The following KCNIP4 variants were observed in gnomAD, a reference collection of about 807,000 sequenced individuals.
KCNIP4 encodes the protein Kv channel-interacting protein 4.
In KCNIP4, 12 loss-of-function variants were observed where a neutral mutation model predicts 34.0. The observed-to-expected ratio is 0.35, with a 90% CI of 0.23 to 0.57. KCNIP4 has a LOEUF of 0.57. Among genes scored for constraint, KCNIP4 ranks in the 20% least tolerant of loss-of-function variants. The pLI, the probability that KCNIP4 is intolerant of heterozygous loss-of-function variation, is 0.83. For missense variants in KCNIP4, 238 were observed against 311.7 expected (o/e 0.76, Z 1.78); for synonymous variants, 124 against 102.2 (o/e 1.21, Z -1.29).
chr4:21,033,421 T>G (rs1323665804), intron 1 of KCNIP4, among the ~76,000 whole-genome samples: 2 of 152,226 alleles, frequency 1.3e-5, no homozygotes, highest in African/African-American at 4.8e-5. Context: ...AGGGCTATGT[T>G]TTTTGAGAAC....
chr4:20,984,169 G>A (rs888556688), intron 1 of KCNIP4: 42 of 531,542 alleles, frequency 7.9e-5, no homozygotes, highest in African/African-American at 5.8e-4. Context: ...CTACCACAGC[G>A]CACGGACCTC....
intron 1 of KCNIP4, among the ~76,000 whole-genome samples, chr4:21,742,555 C>T (rs1187522470): frequency 6.6e-6 from 1 of 152,114 alleles, no homozygotes; most frequent in East Asian, 1.9e-4. Context: ...ATTTCAAGTT[C>T]CAATTACTTG....
At chr4:21,869,650 A>AT (rs1015592684) in intron 1 of KCNIP4, among the ~76,000 whole-genome samples, 8 of 135,992 alleles carry the variant, frequency 5.9e-5, no homozygotes, top group East Asian at 2.3e-4. Flanking sequence ...ACTTTTAGGA[A>AT]TTTTTTTTCC....
chr4:21,664,189 T>C (rs1041260530), intron 1 of KCNIP4, among the ~76,000 whole-genome samples: 1 of 152,086 alleles, frequency 6.6e-6, no homozygotes, highest in Admixed American at 6.6e-5. Flanking sequence ...CCTCAAGTGA[T>C]CCACCCACCT....
intron 1 of KCNIP4, among the ~76,000 whole-genome samples, chr4:21,252,319 C>G (rs1422711428): frequency 2.6e-5 from 4 of 151,592 alleles, no homozygotes; most frequent in Non-Finnish European, 5.9e-5. Context: ...GTAGAGACAG[C>G]GTTTCACCAC....
intron 1 of KCNIP4, among the ~76,000 whole-genome samples, chr4:21,420,212 C>A (rs1725332910): frequency 6.6e-6 from 1 of 152,120 alleles, no homozygotes; most frequent in African/African-American, 2.4e-5. Context: ...TATCTTATTT[C>A]TTTTTCTAAT....
chr4:20,845,551 C>T (rs953032993), intron 3 of KCNIP4, among the ~76,000 whole-genome samples: 3 of 152,186 alleles, frequency 2.0e-5, no homozygotes, highest in Non-Finnish European at 2.9e-5. Flanking sequence ...GGTGAATAGA[C>T]AGTCTTGTTG....
intron 1 of KCNIP4, among the ~76,000 whole-genome samples, chr4:20,995,714 C>A (rs776075481): frequency 6.6e-6 from 1 of 152,172 alleles, no homozygotes; most frequent in Non-Finnish European, 1.5e-5. Flanking sequence ...TCGATGCCAT[C>A]GCTCAGTAAT....
Position 20,862,865 on chromosome 4 carries a change from G to A in KCNIP4, c.164-12198C>T, listed in dbSNP as rs1460462473. ...CCATTATCCTTGGCAAATTAATCCA[G>A]GAACAGACAACCAAATACCGCACGT... On this transcript the variant is annotated intron_variant, in intron 2 of 8. Coordinates refer to ENST00000382152, the MANE Select transcript of KCNIP4 (RefSeq NM_025221.6). Among the ~76,000 whole-genome samples the A allele has an allele frequency of 5.9e-5, 9 of 152,070 alleles. No individual in the cohort carries two copies. In the East Asian group the frequency reaches 1.7e-3, roughly 29 times the overall value.
intron 1 of KCNIP4, among the ~76,000 whole-genome samples, chr4:21,252,189 G>C (rs537629664): frequency 1.3e-5 from 2 of 148,560 alleles, no homozygotes; most frequent in Admixed American, 6.7e-5. Flanking sequence ...GTGCAGTGGC[G>C]CAATCTCGGC....
rs138073939 is a variant in KCNIP4, at chr4:21,416,930, A to G, written c.61+531641T>C. Among the ~76,000 whole-genome samples, 10 of 152,336 alleles carry G rather than the reference A, an allele frequency of 6.6e-5. No homozygotes were observed. In the East Asian group the frequency reaches 1.2e-3, roughly 18 times the overall value. On this transcript the variant is annotated intron_variant, in intron 1 of 8. Transcript: ENST00000382152. ...ATTACTTTGAAATGAGTAGGGTCAA[A>G]GTCATGCTGATGAGAGAAAAATGCT...
At chr4:21,822,322 G>C (rs2109291720) in intron 1 of KCNIP4, among the ~76,000 whole-genome samples, 2 of 152,298 alleles carry the variant, frequency 1.3e-5, no homozygotes, top group Admixed American at 1.3e-4. Context: ...TTCTCCAGAA[G>C]TCTTCTTGAG....
intron 1 of KCNIP4, among the ~76,000 whole-genome samples, chr4:21,378,334 C>G (rs927342155): frequency 3.9e-5 from 6 of 152,120 alleles, no homozygotes; most frequent in African/African-American, 1.2e-4. Flanking sequence ...GTACCTAAAG[C>G]CATAATAAAT....
intron 1 of KCNIP4, among the ~76,000 whole-genome samples, chr4:20,948,592 G>A (rs982380690): frequency 1.1e-4 from 16 of 152,328 alleles, no homozygotes; most frequent in Admixed American, 7.8e-4. Flanking sequence ...TTTCTGCCTG[G>A]TGCAGCTTTG....
intron 1 of KCNIP4, among the ~76,000 whole-genome samples, chr4:21,600,823 T>C (rs1303917672): frequency 3.3e-5 from 5 of 152,030 alleles, no homozygotes; most frequent in African/African-American, 1.2e-4. Flanking sequence ...GTGTATGAGC[T>C]CCTTGCTACA....
intron 1 of KCNIP4, among the ~76,000 whole-genome samples, chr4:21,172,131 A>G (rs141354610): frequency 0.057 from 8,634 of 152,008 alleles, 363 homozygotes; most frequent in Non-Finnish European, 0.078. Context: ...GGGTTCAAGC[A>G]ATTCTCCTGC....
intron 1 of KCNIP4, among the ~76,000 whole-genome samples, chr4:21,729,158 C>A (rs995586093): frequency 1.3e-5 from 2 of 152,078 alleles, no homozygotes; most frequent in African/African-American, 4.8e-5. Flanking sequence ...CCTACCCATA[C>A]TGAATACAAT....
chr4:21,093,945 G>C (rs996552887), intron 1 of KCNIP4, among the ~76,000 whole-genome samples: 2 of 152,132 alleles, frequency 1.3e-5, no homozygotes, highest in South Asian at 2.1e-4. Flanking sequence ...AGCCAGGCGT[G>C]GTGGCGGGCG....
At chr4:21,844,710 A>G (rs1370580201) in intron 1 of KCNIP4, 4 of 152,006 alleles carry the variant, frequency 2.6e-5, no homozygotes, top group Non-Finnish European at 5.9e-5. Flanking sequence ...AAACCCAAAT[A>G]TGTCCCTGCT....
Sources: gnomAD v4.1 joint callset for allele counts (sites outside exome capture counted in the v4.1 genomes callset) on GRCh38, gnomAD v4.1.1 for gene constraint, MANE v1.5 for transcripts, NCBI Gene and HGNC (gene_info 2026-07-23, HGNC 2026-07-21) for gene names.